Variants in SCN3A observed in about 807,000 individuals in gnomAD.
SCN3A encodes sodium channel protein type 3 subunit alpha.
A neutral mutation model predicts 187.6 loss-of-function variants in SCN3A; 60 were observed. The observed-to-expected ratio is 0.32, with a 90% CI of 0.26 to 0.40. The LOEUF is 0.40. Ranked by LOEUF, SCN3A falls within the 10% of genes least tolerant of loss-of-function variation. The probability of loss-of-function intolerance (pLI) is 1.00; values close to 1 mark genes in which losing one functional copy is unlikely to be tolerated. For missense variants in SCN3A, 1,601 were observed against 2,428.2 expected (o/e 0.66, Z 7.16); for synonymous variants, 788 against 829.2 (o/e 0.95, Z 0.85).
At position 165,127,704 on chromosome 2, in the gene SCN3A, A is replaced by G. The variant is rs12474273; in HGVS notation, c.3320T>C (p.Val1107Ala). ...TAAGTTTTCAAAGTCAGACTCTCCA[A>G]CAGCAATTGGCACTGTGACGGTGAG... is the stretch of plus-strand genomic sequence containing the variant. Reference protein sequence around the residue: ...PSLTVTVPIAVGESDFENLNT... With the variant: ...PSLTVTVPIAAGESDFENLNT... The change falls in exon 18 of 28, where the codon GTT (valine) becomes GCT (alanine). Residue 1107 changes from valine (V) to alanine (A), a missense_variant. Physicochemically the swap from Val to Ala is moderately conservative, Grantham distance 64. This residue lies in a region of SCN3A where 267 missense variants were observed against 313.2 expected (regional missense o/e 0.85). Transcript: ENST00000283254. 2.4e-5 allele frequency: 38 copies of G among 1,614,046 alleles called. No homozygotes were observed. In the Admixed American group the frequency reaches 6.3e-4, roughly 27 times the overall value.
chr2:165,137,919 A>G lies in SCN3A; in HGVS notation c.2351T>C (p.Met784Thr), dbSNP rs1458545066. 4.3e-6 allele frequency: 7 copies of G among 1,613,298 alleles called. No homozygotes were observed. Among genetic ancestry groups the G allele is most frequent in the Non-Finnish European group, 5.9e-6 (7 of 1,179,458 alleles). The change falls in exon 15 of 28, where the codon ATG becomes ACG. Residue 784 changes from methionine to threonine, a missense_variant. Around this residue, in one of 11 missense-constraint regions of SCN3A, gnomAD observed 376 missense variants for 476.0 expected, o/e 0.79. Transcript: ENST00000283254. ...CAACACACTACTGAATTGCTCAGTC[A>G]TGGGGTAGTGCTCCATGGCCATAAA... ...TLFMAMEHYP[M>T]TEQFSSVLTV...
intron 10 of SCN3A, 121 bp from the exon 11 acceptor site, chr2:165,154,779 A>G: frequency 9.9e-7 from 1 of 1,009,362 alleles, no homozygotes; most frequent in Non-Finnish European, 1.5e-6. Context: ...GTTTATTTTC[A>G]CCAAGAATTT....
chr2:165,145,035 G>T (rs764231190), intron 12 of SCN3A, among the ~76,000 whole-genome samples: 1 of 152,034 alleles, frequency 6.6e-6, no homozygotes, highest in African/African-American at 2.4e-5. Flanking sequence ...TTCATTCACC[G>T]ATTTTAACTT....
At chr2:165,168,937 G>T in intron 4 of SCN3A, 112 bp from the exon 5 acceptor site, 1 of 716,190 alleles carries the variant, frequency 1.4e-6, no homozygotes, top group South Asian at 1.7e-5. Flanking sequence ...AATATTATTT[G>T]TTTTAAAACA....
intron 21 of SCN3A, among the ~76,000 whole-genome samples, chr2:165,107,579 T>C (rs960822349): frequency 6.6e-6 from 1 of 152,248 alleles, no homozygotes; most frequent in Non-Finnish European, 1.5e-5. Flanking sequence ...TGTCTGCATA[T>C]TAGCAAGGCA....
At chr2:165,165,663 C>T (rs1307704816) in intron 5 of SCN3A, among the ~76,000 whole-genome samples, 2 of 152,118 alleles carry the variant, frequency 1.3e-5, no homozygotes, top group Non-Finnish European at 2.9e-5. Context: ...GCACTTCACC[C>T]AAGCCACAAA....
In SCN3A at chr2:165,137,879, C is replaced by T. The variant is rs1687761684; in HGVS notation, c.2391G>A (p.Leu797=). 1.3e-6 allele frequency: 2 copies of T among 1,598,424 alleles called. No homozygotes were observed. Among genetic ancestry groups the T allele is most frequent in the Admixed American group, 3.3e-5 (2 of 59,940 alleles). Residue 797 remains leucine (L), a splice_region_variant and synonymous_variant, in exon 15 of 28, where the codon CTG becomes CTA. Transcript: ENST00000283254. The part of the protein sequence containing the change: ...QFSSVLTVGN[L]VFTGIFTAEM... Reference sequence around the variant, plus strand: ...ATAAGTAAACTTCAAATGTACTTACCAGGTTTCCTACAGTCAACACACTAC... The same window carrying T: ...ATAAGTAAACTTCAAATGTACTTACTAGGTTTCCTACAGTCAACACACTAC...
intron 18 of SCN3A, 74 bp downstream of exon 18, chr2:165,127,557 C>A (rs1687066023): frequency 8.3e-7 from 1 of 1,203,908 alleles, no homozygotes; most frequent in African/African-American, 1.5e-5. Flanking sequence ...CATATAAGCA[C>A]AATGAAAATA....
chr2:165,200,501 T>C (rs1388213147), intron 1 of SCN3A, among the ~76,000 whole-genome samples: 1 of 152,062 alleles, frequency 6.6e-6, no homozygotes, highest in Non-Finnish European at 1.5e-5. Flanking sequence ...ACCCTAAAGA[T>C]AAGAACTCGT....
chr2:165,179,275 T>G (rs1690676758), intron 2 of SCN3A, among the ~76,000 whole-genome samples: 1 of 152,202 alleles, frequency 6.6e-6, no homozygotes, highest in Admixed American at 6.5e-5. Context: ...GCCTGTATCA[T>G]CTAACCTGTC....
intron 15 of SCN3A, among the ~76,000 whole-genome samples, chr2:165,135,742 A>G (rs866400388): frequency 5.9e-5 from 9 of 152,178 alleles, no homozygotes; most frequent in Non-Finnish European, 1.0e-4. Flanking sequence ...TATGCAATGC[A>G]TTATTGATAT....
At chr2:165,198,379 T>C (rs1313742422) in intron 1 of SCN3A, among the ~76,000 whole-genome samples, 1 of 151,972 alleles carries the variant, frequency 6.6e-6, no homozygotes, top group African/African-American at 2.4e-5. Context: ...TTCCTCTCCA[T>C]GCGGTTTATT....
intron 5 of SCN3A, among the ~76,000 whole-genome samples, chr2:165,166,771 C>T (rs906195130): frequency 2.6e-5 from 4 of 152,184 alleles, no homozygotes; most frequent in Non-Finnish European, 5.9e-5. Flanking sequence ...ATCAGAAAAC[C>T]TGAGCAAAGT....
chr2:165,115,842 T>G (rs2105718633), intron 18 of SCN3A, among the ~76,000 whole-genome samples: 1 of 152,308 alleles, frequency 6.6e-6, no homozygotes, highest in Non-Finnish European at 1.5e-5. Flanking sequence ...ATTAACTTGT[T>G]TAATGATCTG....
chr2:165,113,126 T>C (rs1024849372), intron 20 of SCN3A, 68 bp from the exon 21 acceptor site: 11 of 1,146,254 alleles, frequency 9.6e-6, no homozygotes, highest in Non-Finnish European at 1.2e-5. Context: ...AAAAATTGCT[T>C]AGTATAATAG....
chr2:165,087,755 C>A lies in SCN3A; in HGVS notation c.*2395G>T, dbSNP rs1308801405. 1.3e-5 allele frequency: 2 copies of A among 151,866 alleles called. No homozygotes were observed. The highest frequency in any genetic ancestry group is 2.9e-5 in the Non-Finnish European group (2 of 67,970). The allele number at this position is 151,866 out of a possible 1,614,324, so 9.4% of individuals were successfully genotyped here. ...GAGTTTATATAATGCATTTAAGTAA[C>A]AAAGAATGTAACATTTATTAGCCAC... On this transcript the variant is annotated 3_prime_UTR_variant, in exon 28 of 28. Transcript: ENST00000283254.
chr2:165,144,005 AAAAAT>A (rs1057304303), intron 12 of SCN3A, among the ~76,000 whole-genome samples: 2 of 152,188 alleles, frequency 1.3e-5, no homozygotes, highest in African/African-American at 4.8e-5. Context: ...TTATCTGTTT[AAAAAT>A]AAAATAATGT....
At chr2:165,202,109 A>T (rs2106003312) in intron 1 of SCN3A, among the ~76,000 whole-genome samples, 1 of 152,134 alleles carries the variant, frequency 6.6e-6, no homozygotes, top group South Asian at 2.1e-4. Flanking sequence ...TGAAATCACC[A>T]CTACATTCTT....
intron 11 of SCN3A, among the ~76,000 whole-genome samples, chr2:165,153,115 T>G (rs1265856645): frequency 6.6e-6 from 1 of 151,290 alleles, no homozygotes; most frequent in Admixed American, 6.6e-5. Context: ...ACAAATAAAC[T>G]AAACAGAATA....
Sources: allele counts gnomAD v4.1 joint callset (sites outside exome capture counted in the v4.1 genomes callset), GRCh38; gene constraint gnomAD v4.1.1; regional missense constraint gnomAD v4.1.1; transcripts MANE v1.5; gene names NCBI Gene and HGNC (gene_info 2026-07-23, HGNC 2026-07-21).